PRICKLE2: variants seen among roughly 807,000 people sequenced by gnomAD.
PRICKLE2 encodes the protein prickle-like protein 2.
Under a neutral mutation model 81.4 loss-of-function variants are expected in PRICKLE2, and 21 were observed. The observed-to-expected ratio is 0.26, with a 90% CI of 0.18 to 0.37. The LOEUF is 0.37. Among genes scored for constraint, PRICKLE2 ranks in the 10% least tolerant of loss-of-function variants. The pLI, the probability that PRICKLE2 is intolerant of heterozygous loss-of-function variation, is 1.00. For missense variants in PRICKLE2, 940 were observed against 1,109.0 expected, an observed-to-expected ratio of 0.85 and a Z score of 2.16; for synonymous variants, 456 against 421.5, an observed-to-expected ratio of 1.08 and a Z score of -1.00.
intron 7 of PRICKLE2, chr3:64,145,358 T>C (rs1304720064): frequency 1.4e-5 from 2 of 147,984 alleles, no homozygotes; most frequent in African/African-American, 4.9e-5. Context: ...ATATGATATA[T>C]ATATACACAC....
chr3:64,203,633 T>C (rs1029190229), intron 1 of PRICKLE2, among the ~76,000 whole-genome samples: 4 of 151,196 alleles, frequency 2.6e-5, no homozygotes, highest in Admixed American at 6.6e-5. Flanking sequence ...AAAGGAGGAG[T>C]GCAGAATCAG....
At chr3:64,191,324 C>T (rs572891550) in intron 2 of PRICKLE2, among the ~76,000 whole-genome samples, 3 of 152,102 alleles carry the variant, frequency 2.0e-5, no homozygotes, top group Non-Finnish European at 2.9e-5. Flanking sequence ...TACTATTTCA[C>T]AAGAAAGATG....
At chr3:64,218,632 G>A (rs866679) in intron 1 of PRICKLE2, among the ~76,000 whole-genome samples, 17,573 of 152,184 alleles carry the variant, frequency 0.12, 1,328 homozygotes, top group East Asian at 0.38. Flanking sequence ...TGCCTGGCAC[G>A]CAGTAATCAT....
At chr3:64,142,490 T>C (rs571571067) in intron 7 of PRICKLE2, among the ~76,000 whole-genome samples, 5 of 152,246 alleles carry the variant, frequency 3.3e-5, no homozygotes, top group African/African-American at 1.2e-4. Context: ...TCTGTATTTT[T>C]AGTAGAGACG....
chr3:64,254,563 T>C (rs1473533307), intron 2 of PRICKLE2, among the ~76,000 whole-genome samples: 2 of 152,192 alleles, frequency 1.3e-5, no homozygotes, highest in Non-Finnish European at 2.9e-5. Context: ...GGACTAATTA[T>C]TATTAGAGTA....
chr3:64,241,311 G>C (rs929388348), intron 2 of PRICKLE2, among the ~76,000 whole-genome samples: 2 of 152,276 alleles, frequency 1.3e-5, no homozygotes, highest in East Asian at 3.9e-4. Context: ...CCCTCTTTTA[G>C]TGGGGACACA....
chr3:64,236,829 C>T (rs2079188110), intron 2 of PRICKLE2, among the ~76,000 whole-genome samples: 1 of 152,198 alleles, frequency 6.6e-6, no homozygotes, highest in Non-Finnish European at 1.5e-5. Context: ...ATTGTATTAT[C>T]TTCACAAAGC....
upstream of PRICKLE2, among the ~76,000 whole-genome samples, chr3:64,229,957 G>T (rs1039836675): frequency 3.3e-5 from 5 of 152,204 alleles, no homozygotes; most frequent in African/African-American, 1.2e-4. Context: ...GGCAAAGTTG[G>T]TTGGAGGCCC....
In PRICKLE2 at chr3:64,179,106, C is replaced by T. The variant is rs545689264; in HGVS notation, c.145-15977G>A. 3.3e-5 allele frequency among the ~76,000 whole-genome samples: 5 copies of T among 150,810 alleles called. No individual in the cohort carries two copies. The East Asian group carries it at 5.9e-4, about 18-fold the overall frequency. ...TGTCTCTTTCTTTCAGACTGAGTTT[C>T]GCTCTTGTCATCCAGGCTGGAATGC... On this transcript the variant is annotated intron_variant, in intron 2 of 7. Coordinates refer to ENST00000638394, the MANE Select transcript of PRICKLE2 (RefSeq NM_198859.4).
chr3:64,134,606 A>C (rs2077249473), intron 7 of PRICKLE2, among the ~76,000 whole-genome samples: 1 of 152,168 alleles, frequency 6.6e-6, no homozygotes, highest in South Asian at 2.1e-4. Flanking sequence ...TTACAACCAA[A>C]AATGCCTCCA....
chr3:64,200,937 T>A (rs997092540), intron 1 of PRICKLE2: 2 of 149,368 alleles, frequency 1.3e-5, no homozygotes, highest in African/African-American at 2.5e-5. Context: ...TTAATTTTTT[T>A]TTTTTTTTTT....
intron 1 of PRICKLE2, 183 bp from the exon 2 acceptor site, chr3:64,199,150 G>A (rs527692033): frequency 1.0e-4 from 64 of 641,916 alleles, no homozygotes; most frequent in East Asian, 2.2e-4. Context: ...CGTGGTACAC[G>A]CATGTGAAAA....
Position 64,198,945 on chromosome 3 carries a change from A to G in PRICKLE2, c.-18T>C, listed in dbSNP as rs745320447. ...GTCACCATGTGCTCCTCCTGGGGACACTTGCAGTGCAGGCAGATCTTCCTG... is the reference window on the plus strand; with the variant it reads ...GTCACCATGTGCTCCTCCTGGGGACGCTTGCAGTGCAGGCAGATCTTCCTG... On this transcript the variant is annotated 5_prime_UTR_variant, in exon 2 of 8. Transcript: ENST00000638394. 6.2e-7 allele frequency: 1 copy of G among 1,614,052 alleles called. No individual in the cohort carries two copies. Among genetic ancestry groups the G allele is most frequent in the Non-Finnish European group, 8.5e-7 (1 of 1,180,034 alleles).
intron 7 of PRICKLE2, among the ~76,000 whole-genome samples, chr3:64,141,199 C>T (rs1016442723): frequency 2.0e-5 from 3 of 152,220 alleles, no homozygotes; most frequent in Non-Finnish European, 4.4e-5. Flanking sequence ...AGTACATTTA[C>T]CATGGTCATT....
chr3:64,188,849 C>G (rs1427534953), intron 2 of PRICKLE2, among the ~76,000 whole-genome samples: 3 of 152,156 alleles, frequency 2.0e-5, no homozygotes, highest in East Asian at 1.9e-4. Context: ...ATCCATGAAG[C>G]CTATATTTAC....
chr3:64,255,276 G>C (rs2079509998), intron 2 of PRICKLE2, among the ~76,000 whole-genome samples: 1 of 152,206 alleles, frequency 6.6e-6, no homozygotes, highest in Non-Finnish European at 1.5e-5. Flanking sequence ...CATGTGACTA[G>C]AGAAAAAGTT....
At chr3:64,251,298 CA>C (rs2079443867) in intron 2 of PRICKLE2, among the ~76,000 whole-genome samples, 1 of 152,182 alleles carries the variant, frequency 6.6e-6, no homozygotes, top group Admixed American at 6.5e-5. Context: ...AAAAGGATCA[CA>C]GTCCACTTTG....
At chr3:64,176,312 G>C (rs558209274) in intron 2 of PRICKLE2, among the ~76,000 whole-genome samples, 43 of 152,288 alleles carry the variant, frequency 2.8e-4, no homozygotes, top group African/African-American at 9.6e-4. Context: ...TCTGAATTTT[G>C]AGTTATCTCT....
chr3:64,253,689 C>T (rs1386506939), intron 2 of PRICKLE2, among the ~76,000 whole-genome samples: 1 of 152,178 alleles, frequency 6.6e-6, no homozygotes. Flanking sequence ...ATCTCTCATC[C>T]AGGCAAACAC....
Sources: gnomAD v4.1 joint callset for allele counts (sites outside exome capture counted in the v4.1 genomes callset) on GRCh38, gnomAD v4.1.1 for gene constraint, MANE v1.5 for transcripts, NCBI Gene and HGNC (gene_info 2026-07-23, HGNC 2026-07-21) for gene names.